RGS8: variants seen among roughly 807,000 people sequenced by gnomAD.
RGS8 encodes regulator of G-protein signaling 8.
In RGS8, 8 loss-of-function variants were observed where a neutral mutation model predicts 21.7. The observed-to-expected ratio is 0.37, with a 90% CI of 0.22 to 0.66. RGS8 has a LOEUF of 0.66. Among genes scored for constraint, RGS8 ranks in the 30% least tolerant of loss-of-function variants. The pLI is 0.59. For synonymous variants in RGS8, 80 were observed against 83.6 expected, an observed-to-expected ratio of 0.96 and a Z score of 0.24; for missense variants, 157 against 217.9, an observed-to-expected ratio of 0.72 and a Z score of 1.76.
the RGS8 span, among the ~76,000 whole-genome samples, chr1:182,709,513 T>C: frequency 6.6e-6 from 1 of 152,306 alleles, no homozygotes; most frequent in East Asian, 1.9e-4. Flanking sequence ...TCTTTGGAAC[T>C]CAGGGACTGA....
In RGS8 at chr1:182,666,861, G is replaced by A. The variant is rs750161576; in HGVS notation, c.128+11C>T. Reference sequence around the variant, plus strand: ...ATTACCCAGGGAATGGCACGTGGCCGTACTACTCACTTGAGAGCGCGGTTG... The same window carrying A: ...ATTACCCAGGGAATGGCACGTGGCCATACTACTCACTTGAGAGCGCGGTTG... On this transcript the variant is annotated intron_variant, in intron 4 of 6. Coordinates refer to ENST00000483095, the Ensembl canonical transcript of RGS8. 21 of 1,602,206 alleles carry A rather than the reference G, an allele frequency of 1.3e-5. No homozygotes were observed. Among genetic ancestry groups the A allele is most frequent in the African/African-American group, 6.7e-5 (5 of 74,688 alleles).
At chr1:182,668,255 T>C (rs1480977312) in intron 3 of RGS8, among the ~76,000 whole-genome samples, 1 of 152,198 alleles carries the variant, frequency 6.6e-6, no homozygotes, top group African/African-American at 2.4e-5. Context: ...CAAAGGTAAG[T>C]GGGACAGGTT....
At chr1:182,705,317 C>A in the RGS8 span, among the ~76,000 whole-genome samples, 1 of 152,140 alleles carries the variant, frequency 6.6e-6, no homozygotes. Context: ...GCAGACAGAG[C>A]AAATTTACCC....
the RGS8 span, among the ~76,000 whole-genome samples, chr1:182,708,234 A>G: frequency 6.6e-6 from 1 of 152,184 alleles, no homozygotes; most frequent in East Asian, 1.9e-4. Context: ...GTCCACCAGA[A>G]AAAGTCTGCT....
At chr1:182,683,650 A>G (rs985194668) in intron 1 of RGS8, among the ~76,000 whole-genome samples, 34 of 148,254 alleles carry the variant, frequency 2.3e-4, no homozygotes, top group African/African-American at 8.6e-4. Flanking sequence ...AAAAAAAAAA[A>G]GTCACTGACT....
chr1:182,674,704 G>A (rs1015893645), upstream of RGS8, among the ~76,000 whole-genome samples: 8 of 152,148 alleles, frequency 5.3e-5, no homozygotes, highest in South Asian at 4.1e-4. Context: ...TTAAGTGCTC[G>A]TGAGAAAGGA....
chr1:182,669,683 G>A, exon 3 of RGS8: 2 of 1,614,096 alleles, frequency 1.2e-6, no homozygotes, highest in Non-Finnish European at 1.7e-6. Context: ...CCTTGGGCTG[G>A]TATGCAGGGA....
chr1:182,724,040 G>C, the RGS8 span, among the ~76,000 whole-genome samples: 1 of 151,000 alleles, frequency 6.6e-6, no homozygotes, highest in Non-Finnish European at 1.5e-5. Context: ...ATTGATCTTG[G>C]GTGTGTCTGT....
chr1:182,704,196 T>C, the RGS8 span, among the ~76,000 whole-genome samples: 8 of 152,366 alleles, frequency 5.3e-5, no homozygotes, highest in Middle Eastern at 3.4e-3. Flanking sequence ...TCTCCACTTG[T>C]ATAAAATACA....
At chr1:182,662,953 G>C (rs183065582) in intron 5 of RGS8, among the ~76,000 whole-genome samples, 14 of 129,382 alleles carry the variant, frequency 1.1e-4, no homozygotes, top group African/African-American at 5.2e-4. Flanking sequence ...TTGAGAATGG[G>C]GAGGGGGGGA....
At chr1:182,644,291 G>T (rs1027663705), downstream of RGS8, 1 of 152,212 alleles carries the variant, frequency 6.6e-6, no homozygotes, top group East Asian at 1.9e-4. Context: ...TCCACCCCAC[G>T]GGAAGATCAT....
At chr1:182,740,563 T>G in the RGS8 span, among the ~76,000 whole-genome samples, 222 of 143,984 alleles carry the variant, frequency 1.5e-3, 2 homozygotes, top group Admixed American at 2.5e-3. Flanking sequence ...TTTTTTTTTT[T>G]TTTTTTTTTT....
upstream of RGS8, among the ~76,000 whole-genome samples, chr1:182,687,514 A>G (rs1459902787): frequency 6.6e-6 from 1 of 152,234 alleles, no homozygotes; most frequent in East Asian, 1.9e-4. Flanking sequence ...AGACTGCCCA[A>G]GGGCTGAGGG....
chr1:182,690,994 C>A, the RGS8 span, among the ~76,000 whole-genome samples: 1 of 152,182 alleles, frequency 6.6e-6, no homozygotes, highest in Non-Finnish European at 1.5e-5. Context: ...TGAAAGAAAA[C>A]ATTTGATCCA....
At chr1:182,679,876 G>A (rs1397279567) in intron 1 of RGS8, among the ~76,000 whole-genome samples, 3 of 152,078 alleles carry the variant, frequency 2.0e-5, no homozygotes, top group Admixed American at 2.0e-4. Flanking sequence ...TGGAATTGCT[G>A]ATCTCAGTTT....
At chr1:182,643,391 A>G (rs911870109), downstream of RGS8, 2 of 139,386 alleles carry the variant, frequency 1.4e-5, no homozygotes, top group African/African-American at 2.6e-5. Context: ...TCAGCTGCAC[A>G]TTGGAATCAC....
chr1:182,646,049 C>T (rs1662689252), downstream of RGS8: 1 of 152,232 alleles, frequency 6.6e-6, no homozygotes, highest in Non-Finnish European at 1.5e-5. Flanking sequence ...TCATGAAGAA[C>T]ATCACCCAAG....
At chr1:182,739,446 G>C in the RGS8 span, among the ~76,000 whole-genome samples, 56 of 152,060 alleles carry the variant, frequency 3.7e-4, no homozygotes, top group Non-Finnish European at 7.2e-4. Flanking sequence ...CTTTCAATGG[G>C]GTTTTTAAAG....
the RGS8 span, among the ~76,000 whole-genome samples, chr1:182,705,658 T>A: frequency 1.5e-5 from 2 of 136,086 alleles, no homozygotes; most frequent in South Asian, 4.6e-4. Flanking sequence ...AATATCTGCA[T>A]CATCTACAAG....
Sources: allele counts gnomAD v4.1 joint callset (sites outside exome capture counted in the v4.1 genomes callset), GRCh38; gene constraint gnomAD v4.1.1; transcripts MANE v1.5; gene names NCBI Gene and HGNC (gene_info 2026-07-23, HGNC 2026-07-21).